Variants in ACOXL observed in about 807,000 individuals in gnomAD.
ACOXL encodes acyl-coenzyme A oxidase-like protein.
A neutral mutation model predicts 71.9 loss-of-function variants in ACOXL; 70 were observed. That is an observed-to-expected ratio of 0.97 (90% confidence interval 0.80 to 1.19). ACOXL has a LOEUF of 1.19. Ranked by LOEUF, ACOXL falls within the 50% of genes most tolerant of loss-of-function variation. The pLI, the probability that ACOXL is intolerant of heterozygous loss-of-function variation, is 0.00. For synonymous variants in ACOXL, 253 were observed against 281.6 expected, an observed-to-expected ratio of 0.90 and a Z score of 1.02; for missense variants, 703 against 736.3, an observed-to-expected ratio of 0.95 and a Z score of 0.52.
At chr2:110,937,792 C>T (rs1041744373) in intron 12 of ACOXL, among the ~76,000 whole-genome samples, 1 of 152,158 alleles carries the variant, frequency 6.6e-6, no homozygotes, top group African/African-American at 2.4e-5. Context: ...GCCAGTAATC[C>T]TGGGCATGAT....
At position 111,045,182 on chromosome 2, in the gene ACOXL, C is replaced by T. The variant is rs1264436042; in HGVS notation, c.1370-4036C>T. Among the ~76,000 whole-genome samples the T allele has an allele frequency of 9.8e-5, 15 of 152,298 alleles. No individual in the cohort carries two copies. The East Asian group carries it at 2.9e-3, about 29-fold the overall frequency. ...CCAGGGAGACTTTGCATTTTGTTGG[C>T]ACTAGTTTGGCTGTGTATCTTATTT... On this transcript the variant is annotated intron_variant, in intron 15 of 17. Transcript: ENST00000439055.
intron 12 of ACOXL, among the ~76,000 whole-genome samples, chr2:110,938,697 A>G (rs1281908283): frequency 1.3e-5 from 2 of 148,970 alleles, no homozygotes; most frequent in African/African-American, 2.4e-5. Context: ...GAATGAATGA[A>G]TGAACGAATA....
chr2:110,810,878 T>A (rs1687239171), intron 9 of ACOXL, among the ~76,000 whole-genome samples: 1 of 152,166 alleles, frequency 6.6e-6, no homozygotes, highest in Admixed American at 6.5e-5. Context: ...CTTAGGAAAC[T>A]TACAGTCATG....
At chr2:110,802,056 C>T (rs1188671466) in intron 8 of ACOXL, among the ~76,000 whole-genome samples, 3 of 152,160 alleles carry the variant, frequency 2.0e-5, no homozygotes, top group African/African-American at 7.2e-5. Flanking sequence ...TTCAAAATAA[C>T]CTGTAATTCC....
At chr2:110,967,367 C>G (rs2061978737) in intron 12 of ACOXL, among the ~76,000 whole-genome samples, 1 of 152,116 alleles carries the variant, frequency 6.6e-6, no homozygotes, top group African/African-American at 2.4e-5. Context: ...CAAAAATGAA[C>G]AGAATCACAC....
chr2:110,798,460 G>T (rs962159422), intron 5 of ACOXL, 150 bp from the exon 6 acceptor site: 2 of 572,136 alleles, frequency 3.5e-6, no homozygotes, highest in Non-Finnish European at 6.4e-6. Context: ...GTTTCACCAT[G>T]TTAGCCAGGA....
At chr2:111,003,576 A>AAAAAAAAAAAAAAAAAC (rs1558855313) in intron 14 of ACOXL, among the ~76,000 whole-genome samples, 1 of 148,106 alleles carries the variant, frequency 6.8e-6, no homozygotes, top group African/African-American at 2.5e-5. Flanking sequence ...AAAAAAAAAA[A>AAAAAAAAAAAAAAAAAC]AAAGAATCAC....
intron 9 of ACOXL, among the ~76,000 whole-genome samples, chr2:110,827,391 G>A (rs1573713061): frequency 1.3e-5 from 2 of 152,206 alleles, no homozygotes; most frequent in Admixed American, 6.5e-5. Context: ...AGGTGAATGA[G>A]CTGGCATGTG....
chr2:110,879,463 G>C (rs1252890148), intron 10 of ACOXL, among the ~76,000 whole-genome samples: 3 of 152,132 alleles, frequency 2.0e-5, no homozygotes, highest in Non-Finnish European at 2.9e-5. Flanking sequence ...TACAAACTGA[G>C]AACATATATT....
chr2:111,009,619 G>C (rs1350864020), intron 14 of ACOXL, among the ~76,000 whole-genome samples: 1 of 152,080 alleles, frequency 6.6e-6, no homozygotes, highest in African/African-American at 2.4e-5. Context: ...AGAGAGGGAA[G>C]CTTCAAAATA....
intron 9 of ACOXL, among the ~76,000 whole-genome samples, chr2:110,830,551 T>G (rs1689698046): frequency 6.6e-6 from 1 of 152,044 alleles, no homozygotes; most frequent in South Asian, 2.1e-4. Context: ...TTTTTTTTTT[T>G]GAGACAGAGT....
At chr2:110,817,653 C>T (rs1688072105) in intron 9 of ACOXL, among the ~76,000 whole-genome samples, 1 of 152,168 alleles carries the variant, frequency 6.6e-6, no homozygotes, top group Non-Finnish European at 1.5e-5. Flanking sequence ...CTTGATTTTT[C>T]TCCAGGGATA....
At chr2:110,772,742 C>G (rs749194777) in intron 2 of ACOXL, among the ~76,000 whole-genome samples, 95 of 152,160 alleles carry the variant, frequency 6.2e-4, no homozygotes, top group Non-Finnish European at 8.1e-4. Flanking sequence ...AAGTAAGGCC[C>G]GAGGACCCGT....
chr2:110,776,047 C>G (rs748671032), intron 2 of ACOXL, among the ~76,000 whole-genome samples: 42 of 152,082 alleles, frequency 2.8e-4, no homozygotes, highest in Non-Finnish European at 5.6e-4. Context: ...ACAAAACATA[C>G]AAAACATGTT....
intron 2 of ACOXL, among the ~76,000 whole-genome samples, chr2:110,769,707 C>T (rs1291706680): frequency 2.0e-5 from 3 of 151,788 alleles, no homozygotes; most frequent in South Asian, 2.1e-4. Context: ...TGGTGGTGCA[C>T]GCCTGTAGTC....
At chr2:110,768,269 T>C in intron 1 of ACOXL, 99 bp from the exon 2 acceptor site, 1 of 888,104 alleles carries the variant, frequency 1.1e-6, no homozygotes, top group South Asian at 1.5e-5. Flanking sequence ...AGCATTACAA[T>C]GGACACAGCT....
rs531496474 is a variant in ACOXL at position 110,873,953 on chromosome 2, A to G, written c.788+32548A>G. Among the ~76,000 whole-genome samples the G allele has an allele frequency of 1.9e-4, 29 of 152,278 alleles. No individual in the cohort carries two copies. In the South Asian group the frequency reaches 5.6e-3, roughly 29 times the overall value. On this transcript the variant is annotated intron_variant, in intron 10 of 17. Coordinates refer to ENST00000439055, the MANE Select transcript of ACOXL (RefSeq NM_001142807.4). ...GGGTAGCTCTGTGGTCTTGGCATCC[A>G]CCGTGTGGCATCGGCCAGCCCTAGG...
rs1430293576 is a variant in ACOXL at position 110,963,503 on chromosome 2, G to A, written c.1060-23605G>A. ...ATTGTTTACCTCTTTTCAATTTTCT[G>A]TATATTTTTTAATTTTAAAGAAAAT... On this transcript the variant is annotated intron_variant, in intron 12 of 17. Coordinates refer to ENST00000439055, the MANE Select transcript of ACOXL (RefSeq NM_001142807.4). 2.3e-6 allele frequency: 3 copies of A among 1,317,854 alleles called. No individual in the cohort carries two copies. The South Asian group carries it at 7.5e-5, about 33-fold the overall frequency. 81.6% of individuals were successfully genotyped at this position (1,317,854 alleles called of 1,614,324 possible).
At chr2:110,919,154 T>C (rs1028162141) in intron 11 of ACOXL, among the ~76,000 whole-genome samples, 4 of 152,006 alleles carry the variant, frequency 2.6e-5, no homozygotes, top group African/African-American at 9.7e-5. Flanking sequence ...TTGGAACCAA[T>C]CCAAATGCCC....
Sources: gnomAD v4.1 joint callset for allele counts (sites outside exome capture counted in the v4.1 genomes callset) on GRCh38, gnomAD v4.1.1 for gene constraint, MANE v1.5 for transcripts, NCBI Gene and HGNC (gene_info 2026-07-23, HGNC 2026-07-21) for gene names.